Variants in GALNT17 observed in about 807,000 individuals in gnomAD.
GALNT17 encodes polypeptide N-acetylgalactosaminyltransferase 17.
In GALNT17, 29 loss-of-function variants were observed where a neutral mutation model predicts 63.7. The ratio of observed to expected loss-of-function variants is 0.46; its 90% confidence interval spans 0.34 to 0.62. The LOEUF is 0.62. Among genes scored for constraint, GALNT17 ranks in the 20% least tolerant of loss-of-function variants. GALNT17 has a pLI of 0.01. For missense variants in GALNT17, 603 were observed against 799.6 expected (o/e 0.75, Z 2.97); for synonymous variants, 305 against 318.3 (o/e 0.96, Z 0.45).
intron 1 of GALNT17, among the ~76,000 whole-genome samples, chr7:71,211,071 C>T (rs1044961704): frequency 1.3e-5 from 2 of 152,128 alleles, no homozygotes; most frequent in Non-Finnish European, 2.9e-5. Flanking sequence ...ATTCTAGTGA[C>T]CTGATTTTAT....
At chr7:71,419,911 TAGAA>T (rs1476052925) in intron 4 of GALNT17, among the ~76,000 whole-genome samples, 1 of 152,174 alleles carries the variant, frequency 6.6e-6, no homozygotes, top group Non-Finnish European at 1.5e-5. Flanking sequence ...TCATTTTAAA[TAGAA>T]AGATGAGATG....
In GALNT17 at chr7:71,573,322, ATTAAT is replaced by A. The variant is rs1166060794; in HGVS notation, c.1080+1924_1080+1928del. 6.3e-5 allele frequency among the ~76,000 whole-genome samples: 9 copies of A among 142,318 alleles called. No individual in the cohort carries two copies. In the East Asian group the frequency reaches 1.9e-3, roughly 31 times the overall value. 93.4% of individuals were successfully genotyped at this position (142,318 alleles called of 152,430 possible). ...CCCATGCCTGGCCTTTAATTAATTA[ATTAAT>A]TTATTTATTTATTTATTTTTTGAGA... On this transcript the variant is annotated intron_variant, in intron 6 of 10. Coordinates refer to ENST00000333538, the MANE Select transcript of GALNT17 (RefSeq NM_022479.3).
At chr7:71,422,809 G>T (rs548195941) in intron 5 of GALNT17, among the ~76,000 whole-genome samples, 1 of 152,208 alleles carries the variant, frequency 6.6e-6, no homozygotes, top group African/African-American at 2.4e-5. Context: ...GCCCTAGTGT[G>T]TCAGAAAAAC....
intron 6 of GALNT17, among the ~76,000 whole-genome samples, chr7:71,583,615 G>A (rs958170321): frequency 6.6e-6 from 1 of 152,132 alleles, no homozygotes; most frequent in African/African-American, 2.4e-5. Flanking sequence ...CCTGGCATTA[G>A]ATAGCAGGGC....
At chr7:71,152,196 C>G (rs889654671) in intron 1 of GALNT17, among the ~76,000 whole-genome samples, 2 of 151,918 alleles carry the variant, frequency 1.3e-5, no homozygotes, top group South Asian at 4.1e-4. Flanking sequence ...ACAAATCTCA[C>G]GAAATATCTT....
chr7:71,200,527 A>T (rs1177468149), intron 1 of GALNT17, among the ~76,000 whole-genome samples: 1 of 152,186 alleles, frequency 6.6e-6, no homozygotes, highest in Non-Finnish European at 1.5e-5. Flanking sequence ...GTGTCCCTTC[A>T]TCCTGCAAAA....
chr7:71,432,339 C>T (rs1786882290), intron 5 of GALNT17, among the ~76,000 whole-genome samples: 1 of 152,178 alleles, frequency 6.6e-6, no homozygotes, highest in African/African-American at 2.4e-5. Context: ...TCACCTGAGC[C>T]TTGGCATCCC....
intron 5 of GALNT17, among the ~76,000 whole-genome samples, chr7:71,477,242 A>G (rs1434339808): frequency 1.3e-5 from 2 of 152,112 alleles, no homozygotes; most frequent in African/African-American, 4.8e-5. Flanking sequence ...GATTATCTTG[A>G]CTGACAGGCT....
intron 2 of GALNT17, among the ~76,000 whole-genome samples, chr7:71,341,864 A>G (rs1437836149): frequency 2.0e-5 from 3 of 152,186 alleles, no homozygotes; most frequent in African/African-American, 7.2e-5. Context: ...TTCTAGGGTG[A>G]CAGCCATGTA....
chr7:71,141,445 C>G (rs933380416), intron 1 of GALNT17, among the ~76,000 whole-genome samples: 2 of 151,668 alleles, frequency 1.3e-5, no homozygotes, highest in Non-Finnish European at 2.9e-5. Flanking sequence ...CCTCTGTGAC[C>G]TTGGGCAAGT....
At chr7:71,642,217 C>T (rs112296388) in intron 6 of GALNT17, among the ~76,000 whole-genome samples, 67 of 152,258 alleles carry the variant, frequency 4.4e-4, no homozygotes, top group African/African-American at 1.6e-3. Flanking sequence ...TACAGCAGGC[C>T]AGAAAGCTAT....
intron 5 of GALNT17, among the ~76,000 whole-genome samples, chr7:71,519,881 A>AAATG (rs1342704897): frequency 6.6e-6 from 1 of 152,228 alleles, no homozygotes; most frequent in South Asian, 2.1e-4. Context: ...CTATTCAATA[A>AAATG]AATGAATGAA....
intron 5 of GALNT17, among the ~76,000 whole-genome samples, chr7:71,479,551 C>T (rs1043104946): frequency 2.6e-5 from 4 of 151,866 alleles, no homozygotes; most frequent in East Asian, 3.9e-4. Flanking sequence ...TCAGTTAGAA[C>T]GAAGTTTCTC....
At chr7:71,194,639 C>T (rs1293676807) in intron 1 of GALNT17, among the ~76,000 whole-genome samples, 1 of 152,186 alleles carries the variant, frequency 6.6e-6, no homozygotes, top group East Asian at 1.9e-4. Context: ...CCTGTGTGTC[C>T]CTGGCTAAGC....
intron 6 of GALNT17, among the ~76,000 whole-genome samples, chr7:71,621,930 C>T (rs1584095842): frequency 6.6e-6 from 1 of 152,252 alleles, no homozygotes; most frequent in South Asian, 2.1e-4. Context: ...CATTTGTCAC[C>T]AACAAAGAGA....
At chr7:71,491,975 G>A (rs2116675686) in intron 5 of GALNT17, among the ~76,000 whole-genome samples, 1 of 152,166 alleles carries the variant, frequency 6.6e-6, no homozygotes, top group South Asian at 2.1e-4. Flanking sequence ...GGGTAACATG[G>A]CGAGAGTCCA....
chr7:71,410,631 G>A (rs1255746606), intron 3 of GALNT17, among the ~76,000 whole-genome samples: 1 of 152,238 alleles, frequency 6.6e-6, no homozygotes, highest in Non-Finnish European at 1.5e-5. Flanking sequence ...TGAGCCCAGG[G>A]ATGGTACCGA....
intron 5 of GALNT17, among the ~76,000 whole-genome samples, chr7:71,488,222 C>T (rs113957908): frequency 2.1e-4 from 32 of 149,668 alleles, no homozygotes; most frequent in African/African-American, 3.2e-4. Context: ...TTAGACAGTG[C>T]GCCCAAGAAC....
chr7:71,460,733 C>T (rs907825533), intron 5 of GALNT17, among the ~76,000 whole-genome samples: 6 of 152,158 alleles, frequency 3.9e-5, no homozygotes, highest in Non-Finnish European at 7.3e-5. Context: ...CTTGATGATA[C>T]GCTAAACAAG....
Sources: gnomAD v4.1 joint callset for allele counts (sites outside exome capture counted in the v4.1 genomes callset) on GRCh38, gnomAD v4.1.1 for gene constraint, MANE v1.5 for transcripts, NCBI Gene and HGNC (gene_info 2026-07-23, HGNC 2026-07-21) for gene names.